Variants in MTCL1 observed in about 807,000 individuals in gnomAD.
The protein encoded by MTCL1 is microtubule crosslinking factor 1.
MTCL1 carries 79 observed loss-of-function variants against 141.4 expected under a neutral mutation model. The observed-to-expected ratio is 0.56, with a 90% confidence interval of 0.47 to 0.67. The LOEUF (loss-of-function observed/expected upper bound fraction) is 0.67. MTCL1 is among the 30% of genes least tolerant of loss of function. MTCL1 has a pLI of 0.00. For missense variants in MTCL1, 2,177 were observed against 2,113.9 expected, an observed-to-expected ratio of 1.03 and a Z score of -0.59; for synonymous variants, 914 against 875.8, an observed-to-expected ratio of 1.04 and a Z score of -0.77.
At chr18:8,798,005 A>G in intron 9 of MTCL1, 92 bp from the exon 9 acceptor site, 1 of 1,293,244 alleles carries the variant, frequency 7.7e-7, no homozygotes, top group Non-Finnish European at 1.1e-6. Context: ...GATAATCCAT[A>G]AAGTAGATGG....
At chr18:8,818,401 T>C (rs919789951) in intron 12 of MTCL1, among the ~76,000 whole-genome samples, 1 of 152,204 alleles carries the variant, frequency 6.6e-6, no homozygotes, top group South Asian at 2.1e-4. Flanking sequence ...ATAGCTAAGT[T>C]TGTATCCTCT....
chr18:8,773,365 G>GA (rs991719552), intron 4 of MTCL1, among the ~76,000 whole-genome samples: 23 of 151,820 alleles, frequency 1.5e-4, no homozygotes, highest in African/African-American at 5.6e-4. Context: ...ATGTCTAAGT[G>GA]AAAAAAAATC....
chr18:8,718,274 C>T, intron 2 of MTCL1, 150 bp from the exon 2 acceptor site: 1 of 729,604 alleles, frequency 1.4e-6, no homozygotes, highest in Non-Finnish European at 2.2e-6. Context: ...TCCAGAGGTT[C>T]TGGTGCCTGT....
At chr18:8,753,741 T>C (rs956780034) in intron 4 of MTCL1, among the ~76,000 whole-genome samples, 4 of 152,204 alleles carry the variant, frequency 2.6e-5, no homozygotes, top group African/African-American at 9.6e-5. Context: ...GGTTTCTCAC[T>C]GCAAACACGG....
exon 17 of MTCL1, chr18:8,831,968 T>C (rs551916804): frequency 1.2e-6 from 1 of 826,134 alleles, no homozygotes; most frequent in East Asian, 2.7e-5. Context: ...AACTGAGATG[T>C]TTCTAGAATG....
intron 14 of MTCL1, among the ~76,000 whole-genome samples, chr18:8,823,097 C>A (rs999915344): frequency 1.3e-5 from 2 of 152,112 alleles, no homozygotes; most frequent in African/African-American, 4.8e-5. Flanking sequence ...GCGCCCTCCC[C>A]ACTGTCCCCA....
chr18:8,705,984 G>A lies in MTCL1; in HGVS notation c.324G>A (p.Lys108=), dbSNP rs2096057351. Residue 108 remains lysine (K), a synonymous_variant, in exon 1 of 14, where the codon AAG becomes AAA. Coordinates refer to the MTCL1 transcript ENST00000306329. The surrounding 1 kb of genome is among the most constrained non-coding windows in gnomAD (Gnocchi z 5.2). ...GCAGTGGCGGCGTCCCGGGCGCGAA[G>A]GACAAGCCCCCGCCGGGCGCCGGGG... The A allele has an allele frequency of 8.8e-7, 1 of 1,142,472 alleles. No individual in the cohort carries two copies. Among genetic ancestry groups the A allele is most frequent in the Non-Finnish European group, 1.1e-6 (1 of 932,332 alleles). The allele number at this position is 1,142,472 out of a possible 1,614,324, so 70.8% of individuals were successfully genotyped here.
At chr18:8,716,200 G>A (rs1458410292), upstream of MTCL1, among the ~76,000 whole-genome samples, 1 of 152,096 alleles carries the variant, frequency 6.6e-6, no homozygotes, top group Non-Finnish European at 1.5e-5. Flanking sequence ...TAGGAGCCAA[G>A]AAGAAGAACA....
intron 10 of MTCL1, among the ~76,000 whole-genome samples, chr18:8,806,371 C>T (rs1017726320): frequency 1.3e-5 from 2 of 152,180 alleles, no homozygotes; most frequent in African/African-American, 2.4e-5. Flanking sequence ...TAATTCTCCT[C>T]TAGTACAACA....
chr18:8,739,630 A>T (rs181098786), intron 4 of MTCL1, among the ~76,000 whole-genome samples: 1 of 152,234 alleles, frequency 6.6e-6, no homozygotes. Context: ...GTGATCATAC[A>T]GCCTTCTGCT....
chr18:8,719,509 A>G (rs1323671443), intron 3 of MTCL1, among the ~76,000 whole-genome samples: 3 of 152,228 alleles, frequency 2.0e-5, no homozygotes, highest in Non-Finnish European at 4.4e-5. Flanking sequence ...CACCAGAGCC[A>G]CAGTACAATA....
exon 3 of MTCL1, chr18:8,718,536 A>G: frequency 6.2e-7 from 1 of 1,614,214 alleles, no homozygotes; most frequent in Non-Finnish European, 8.5e-7. Context: ...GCTAATAAAA[A>G]CTGCCGAATC....
intron 7 of MTCL1, among the ~76,000 whole-genome samples, chr18:8,789,921 T>G (rs2075660764): frequency 6.6e-6 from 1 of 152,242 alleles, no homozygotes; most frequent in Non-Finnish European, 1.5e-5. Context: ...TATGTTGTTT[T>G]TTGTAACATT....
chr18:8,773,852 CCTT>C (rs2096494483), intron 4 of MTCL1, among the ~76,000 whole-genome samples: 1 of 152,078 alleles, frequency 6.6e-6, no homozygotes, highest in African/African-American at 2.4e-5. Flanking sequence ...TATTTCTGAG[CCTT>C]CTATTTAGTT....
In MTCL1 at chr18:8,783,509, C is replaced by T. The variant is rs773704850; in HGVS notation, c.418-21C>T. The T allele has an allele frequency of 5.2e-5, 82 of 1,567,448 alleles. 1 individual carries two copies. Among genetic ancestry groups the T allele is most frequent in the South Asian group, 3.0e-4 (26 of 85,894 alleles). On this transcript the variant is annotated intron_variant, in intron 5 of 16. Coordinates refer to ENST00000359865, the Ensembl canonical transcript of MTCL1. The stretch of plus-strand genomic sequence containing the variant: ...TGGTATTTTCAAATAACCCTTCTCC[C>T]GGGCTGTTCTCTCCTGGCAGGATGA...
chr18:8,711,972 A>C (rs1408569360), intron 1 of MTCL1, among the ~76,000 whole-genome samples: 1 of 152,186 alleles, frequency 6.6e-6, no homozygotes, highest in East Asian at 1.9e-4. Context: ...CTCGTTGTCA[A>C]CATATTAATT....
rs750095799 is a variant in MTCL1 at position 8,720,418 on chromosome 18, C to T, written c.279C>T (p.Asn93=). The T allele has an allele frequency of 1.1e-5, 17 of 1,614,030 alleles. 1 individual carries two copies. In the East Asian group the frequency reaches 1.6e-4, roughly 15 times the overall value. ...AGCGCGCTAAAGCTGAGGATGAAAACGAAACTCTCCGACAGCAGATGATTG... is the reference window on the plus strand; with the variant it reads ...AGCGCGCTAAAGCTGAGGATGAAAATGAAACTCTCCGACAGCAGATGATTG... The change falls in exon 4 of 17, where the codon AAC becomes AAT. Residue 93 remains asparagine, a synonymous_variant. Transcript: ENST00000359865.
chr18:8,763,822 C>T (rs549369710), intron 4 of MTCL1, among the ~76,000 whole-genome samples: 2 of 152,152 alleles, frequency 1.3e-5, no homozygotes, highest in African/African-American at 4.8e-5. Flanking sequence ...GCCATTGGCT[C>T]TTGGCATACT....
rs142484520 is a variant in MTCL1, at chr18:8,725,572, A to T, written c.357+5076A>T. Among the ~76,000 whole-genome samples, 6 of 152,256 alleles carry T rather than the reference A, an allele frequency of 3.9e-5. No individual in the cohort carries two copies. The East Asian group carries it at 1.2e-3, about 29-fold the overall frequency. ...ACACTCTGTTATTTTCCATTCAGCT[A>T]AAAAAATTTTTTAATGGTGGTTATA... is the stretch of plus-strand genomic sequence containing the variant. On this transcript the variant is annotated intron_variant, in intron 4 of 16. Coordinates refer to ENST00000359865, the Ensembl canonical transcript of MTCL1.
Sources: allele counts gnomAD v4.1 joint callset (sites outside exome capture counted in the v4.1 genomes callset), GRCh38; gene constraint gnomAD v4.1.1; non-coding constraint Gnocchi (gnomAD v3.1); transcripts MANE v1.5; gene names NCBI Gene and HGNC (gene_info 2026-07-23, HGNC 2026-07-21).